Variants in PLCL1 observed in about 807,000 individuals in gnomAD.
The protein encoded by PLCL1 is inactive phospholipase C-like protein 1.
PLCL1 carries 41 observed loss-of-function variants against 84.4 expected under a neutral mutation model. The ratio of observed to expected loss-of-function variants is 0.49; its 90% confidence interval spans 0.38 to 0.63. PLCL1 has a LOEUF of 0.63. Ranked by LOEUF, PLCL1 falls within the 30% of genes least tolerant of loss-of-function variation. The probability of loss-of-function intolerance (pLI) is 0.00; values close to 1 mark genes in which losing one functional copy is unlikely to be tolerated. For missense variants in PLCL1, 1,206 were observed against 1,367.8 expected (o/e 0.88, Z 1.87); for synonymous variants, 490 against 488.3 (o/e 1.00, Z -0.05).
chr2:198,050,235 C>T (rs1691893638), intron 1 of PLCL1, among the ~76,000 whole-genome samples: 2 of 151,972 alleles, frequency 1.3e-5, no homozygotes, highest in South Asian at 2.1e-4. Context: ...TTTTTCTGTA[C>T]GTTTTCATGG....
chr2:197,994,758 TCTAA>T (rs1690423484), intron 1 of PLCL1, among the ~76,000 whole-genome samples: 2 of 152,214 alleles, frequency 1.3e-5, no homozygotes, highest in Non-Finnish European at 2.9e-5. Context: ...TAATTTCACA[TCTAA>T]CTGTTTATAC....
chr2:197,994,283 C>T (rs888640058), intron 1 of PLCL1, among the ~76,000 whole-genome samples: 53 of 152,290 alleles, frequency 3.5e-4, no homozygotes, highest in Admixed American at 2.1e-3. Context: ...GCAATCTTTA[C>T]GCAGTCCTTT....
intron 1 of PLCL1, among the ~76,000 whole-genome samples, chr2:197,887,190 A>G (rs1251349156): frequency 2.0e-5 from 3 of 152,130 alleles, no homozygotes; most frequent in Admixed American, 6.5e-5. Flanking sequence ...TATTTTTCAT[A>G]GGCAAATGAG....
At chr2:197,938,700 T>G (rs556325143) in intron 1 of PLCL1, among the ~76,000 whole-genome samples, 24 of 152,284 alleles carry the variant, frequency 1.6e-4, no homozygotes, top group South Asian at 8.3e-4. Context: ...TTTATATAAC[T>G]TCCTGAAGGT....
In PLCL1 at chr2:197,983,200, C is replaced by CT. The variant is rs760577848; in HGVS notation, c.241-100519dup. On this transcript the variant is annotated intron_variant, in intron 1 of 5. Coordinates refer to ENST00000428675, the MANE Select transcript of PLCL1 (RefSeq NM_006226.4). The stretch of plus-strand genomic sequence containing the variant: ...TTTCTTTTTCTTTTTCTTTTCTTTT[C>CT]TTTTTTTTTTTTTTTTTTTTTTTTT... Among the ~76,000 whole-genome samples, 32 of 60,272 alleles carry CT rather than the reference C, an allele frequency of 5.3e-4. 2 individuals are homozygous for CT. The highest frequency in any genetic ancestry group is 1.7e-3 in the South Asian group (2 of 1,198). The allele number at this position is 60,272 out of a possible 152,430, so 39.5% of individuals were successfully genotyped here.
intron 1 of PLCL1, among the ~76,000 whole-genome samples, chr2:197,965,474 T>G (rs898649874): frequency 1.1e-4 from 17 of 152,234 alleles, no homozygotes; most frequent in Non-Finnish European, 2.2e-4. Flanking sequence ...TGGCTAAAGT[T>G]TTGTTGATTG....
chr2:198,032,709 G>A (rs1691457069), intron 1 of PLCL1, among the ~76,000 whole-genome samples: 1 of 151,846 alleles, frequency 6.6e-6, no homozygotes, highest in Non-Finnish European at 1.5e-5. Flanking sequence ...TTCTTAAATG[G>A]CTTTTGATTT....
rs570761799 is a variant in PLCL1 at position 197,809,186 on chromosome 2, T to A, written c.240+3847T>A. Among the ~76,000 whole-genome samples, 20 of 152,196 alleles carry A rather than the reference T, an allele frequency of 1.3e-4. 1 individual carries two copies. In the South Asian group the frequency reaches 3.9e-3, roughly 30 times the overall value. On this transcript the variant is annotated intron_variant, in intron 1 of 5. Coordinates refer to ENST00000428675, the MANE Select transcript of PLCL1 (RefSeq NM_006226.4). ...CACATTAAGTGCCTACTACTGTGAG[T>A]CATATACTAAACTAGGAGCTTTCGT... is the stretch of plus-strand genomic sequence containing the variant.
chr2:197,957,380 C>T (rs1689515532), intron 1 of PLCL1, among the ~76,000 whole-genome samples: 1 of 151,982 alleles, frequency 6.6e-6, no homozygotes. Flanking sequence ...TTTATAATTG[C>T]TAGTTGAATG....
intron 1 of PLCL1, among the ~76,000 whole-genome samples, chr2:198,038,989 C>T (rs866306462): frequency 2.0e-5 from 3 of 152,028 alleles, no homozygotes; most frequent in Middle Eastern, 3.2e-3. Flanking sequence ...ATTTCCACCC[C>T]GTGCAATATT....
intron 1 of PLCL1, among the ~76,000 whole-genome samples, chr2:198,079,514 A>G (rs1041201303): frequency 6.6e-6 from 1 of 152,112 alleles, no homozygotes; most frequent in African/African-American, 2.4e-5. Context: ...AATTATCTTT[A>G]TGATATAAAT....
intron 1 of PLCL1, among the ~76,000 whole-genome samples, chr2:198,016,317 G>A (rs139964805): frequency 1.3e-5 from 2 of 152,278 alleles, no homozygotes; most frequent in East Asian, 3.9e-4. Context: ...AAACAAACCA[G>A]TTTTGTGTGA....
intron 5 of PLCL1, among the ~76,000 whole-genome samples, chr2:198,110,411 C>T (rs975502699): frequency 6.6e-6 from 1 of 151,920 alleles, no homozygotes; most frequent in Non-Finnish European, 1.5e-5. Context: ...GATTCCCTCA[C>T]TGAATTCCCG....
intron 1 of PLCL1, among the ~76,000 whole-genome samples, chr2:198,069,822 A>T (rs1334270630): frequency 6.6e-6 from 1 of 152,186 alleles, no homozygotes; most frequent in Non-Finnish European, 1.5e-5. Context: ...AGTTAAGTAC[A>T]ATTAGTAGAA....
chr2:198,109,552 T>G (rs183046443), intron 5 of PLCL1, among the ~76,000 whole-genome samples: 235 of 152,014 alleles, frequency 1.5e-3, no homozygotes, highest in Non-Finnish European at 2.3e-3. Flanking sequence ...TTCTAGTACA[T>G]TGTTAGTAAT....
At chr2:197,824,856 G>A (rs1320395836) in intron 1 of PLCL1, among the ~76,000 whole-genome samples, 2 of 152,030 alleles carry the variant, frequency 1.3e-5, no homozygotes, top group Non-Finnish European at 2.9e-5. Flanking sequence ...GGTCCAAAAC[G>A]ATGCTCTGTA....
chr2:197,990,208 C>A (rs1690312507), intron 1 of PLCL1, among the ~76,000 whole-genome samples: 1 of 152,026 alleles, frequency 6.6e-6, no homozygotes, highest in African/African-American at 2.4e-5. Context: ...ATGTAGCTGA[C>A]ATGATGGGTA....
intron 1 of PLCL1, among the ~76,000 whole-genome samples, chr2:198,011,603 T>C (rs1391475530): frequency 1.3e-5 from 2 of 152,084 alleles, no homozygotes; most frequent in Non-Finnish European, 2.9e-5. Flanking sequence ...GGATGTTGTA[T>C]ATATATATCT....
intron 1 of PLCL1, among the ~76,000 whole-genome samples, chr2:197,955,853 G>A (rs1396748073): frequency 1.3e-5 from 2 of 151,546 alleles, no homozygotes; most frequent in Admixed American, 6.6e-5. Flanking sequence ...TGCAGAATGT[G>A]CAGGTTTGTT....
Sources: allele counts gnomAD v4.1 joint callset (sites outside exome capture counted in the v4.1 genomes callset), GRCh38; gene constraint gnomAD v4.1.1; transcripts MANE v1.5; gene names NCBI Gene and HGNC (gene_info 2026-07-23, HGNC 2026-07-21).